The following ZNF292 variants were observed in gnomAD, a reference collection of about 807,000 sequenced individuals.
ZNF292 encodes the protein zinc finger protein 292.
Under a neutral mutation model 217.9 loss-of-function variants are expected in ZNF292, and 26 were observed. The observed-to-expected ratio is 0.12, with a 90% CI of 0.09 to 0.17. The LOEUF (loss-of-function observed/expected upper bound fraction) is 0.17. ZNF292 is among the 10% of genes least tolerant of loss of function. The pLI, the probability that ZNF292 is intolerant of heterozygous loss-of-function variation, is 1.00. For synonymous variants in ZNF292, 1,257 were observed against 1,124.1 expected, an observed-to-expected ratio of 1.12 and a Z score of -2.37; for missense variants, 2,904 against 3,175.2, an observed-to-expected ratio of 0.91 and a Z score of 2.05.
chr6:87,161,447 G>T (rs1226865998), intron 1 of ZNF292, among the ~76,000 whole-genome samples: 2 of 152,066 alleles, frequency 1.3e-5, no homozygotes, highest in African/African-American at 4.8e-5. Flanking sequence ...TTTGAGACAG[G>T]GTCTCCACTC....
Position 87,177,645 on chromosome 6 carries a change from CTA to C in ZNF292, c.168+21888_168+21889del, listed in dbSNP as rs199580804. Among the ~76,000 whole-genome samples the C allele has an allele frequency of 9.4e-3, 1,433 of 152,294 alleles. 18 individuals are homozygous for C. Among genetic ancestry groups the C allele is most frequent in the African/African-American group, 0.032 (1,348 of 41,550 alleles). On this transcript the variant is annotated intron_variant, in intron 1 of 7. Transcript: ENST00000369577. ...TTTGTTCCTTAAAGACTTTAAAAGA[CTA>C]TGTGATGTTGAAGAATTCAAATTCT... is the stretch of plus-strand genomic sequence containing the variant.
chr6:87,181,495 G>A (rs1452105008), intron 1 of ZNF292, among the ~76,000 whole-genome samples: 1 of 152,190 alleles, frequency 6.6e-6, no homozygotes, highest in Non-Finnish European at 1.5e-5. Context: ...GATGGGGGAA[G>A]TGGTGGGCCA....
intron 5 of ZNF292, among the ~76,000 whole-genome samples, chr6:87,240,709 C>A (rs139119137): frequency 6.6e-6 from 1 of 152,058 alleles, no homozygotes; most frequent in African/African-American, 2.4e-5. Context: ...CGTGAGCCAC[C>A]GGGCCCAGCC....
chr6:87,220,281 A>G (rs1048233231), intron 4 of ZNF292, among the ~76,000 whole-genome samples: 2 of 152,216 alleles, frequency 1.3e-5, no homozygotes, highest in African/African-American at 4.8e-5. Context: ...GATGTGATAT[A>G]TTAGTAATAA....
chr6:87,228,768 T>G (rs542777841), intron 4 of ZNF292, among the ~76,000 whole-genome samples: 1 of 152,224 alleles, frequency 6.6e-6, no homozygotes, highest in Non-Finnish European at 1.5e-5. Context: ...TGGACTCTTT[T>G]CTATTGCATT....
In ZNF292 at chr6:87,186,294, T is replaced by G. The variant is rs191623727; in HGVS notation, c.169-29609T>G. On this transcript the variant is annotated intron_variant, in intron 1 of 7. Transcript: ENST00000369577. ...TTTTAAATTCACAGTAAAACTGTAA[T>G]GTTACTTTATATTCTAGGAACAGGA... 6.2e-4 allele frequency among the ~76,000 whole-genome samples: 94 copies of G among 152,366 alleles called. No individual in the cohort carries two copies. The Middle Eastern group carries it at 0.01, about 17-fold the overall frequency.
rs1170040531 is a variant in ZNF292, at chr6:87,155,734, C to T, written c.143C>T (p.Thr48Ile). The T allele has an allele frequency of 6.2e-7, 1 of 1,600,026 alleles. No individual in the cohort carries two copies. Among genetic ancestry groups the T allele is most frequent in the Non-Finnish European group, 8.5e-7 (1 of 1,174,974 alleles). The stretch of plus-strand genomic sequence containing the variant: ...CGGGTACCGGCCGTGGAAGCGGCCA[C>T]CGACTACTGTCAGCAGCTGTGCCAG... ...ESRVPAVEAA[T>I]DYCQQLCQTL... The change falls in exon 1 of 8, where the codon ACC (threonine) becomes ATC (isoleucine). Residue 48 changes from threonine (T) to isoleucine (I), a missense_variant. Physicochemically the swap from Thr to Ile is moderately conservative, Grantham distance 89. Coordinates refer to ENST00000369577, the MANE Select transcript of ZNF292 (RefSeq NM_015021.3).
At chr6:87,242,579 C>A (rs188944907) in intron 5 of ZNF292, among the ~76,000 whole-genome samples, 2 of 152,120 alleles carry the variant, frequency 1.3e-5, no homozygotes, top group Non-Finnish European at 2.9e-5. Context: ...TACGTGAGTG[C>A]TAATGGTCTG....
At chr6:87,252,056 T>C (rs73754160) in intron 7 of ZNF292, among the ~76,000 whole-genome samples, 108 of 152,310 alleles carry the variant, frequency 7.1e-4, no homozygotes, top group Middle Eastern at 3.4e-3. Flanking sequence ...AATATTCATA[T>C]GATATAAAAT....
chr6:87,163,609 T>C (rs191299606), intron 1 of ZNF292, among the ~76,000 whole-genome samples: 3 of 152,314 alleles, frequency 2.0e-5, no homozygotes, highest in Admixed American at 2.0e-4. Context: ...ACAAAATCTA[T>C]AGCATGTATC....
At chr6:87,224,645 C>A (rs547906955) in intron 4 of ZNF292, among the ~76,000 whole-genome samples, 2 of 152,206 alleles carry the variant, frequency 1.3e-5, no homozygotes, top group South Asian at 4.1e-4. Flanking sequence ...TCTGTTAAAC[C>A]AATGAGCTAT....
In ZNF292 at chr6:87,257,678, G is replaced by A; in HGVS notation, c.4049G>A (p.Gly1350Asp). 1 of 1,611,730 alleles carries A rather than the reference G, an allele frequency of 6.2e-7. No homozygotes were observed. The highest frequency in any genetic ancestry group is 8.5e-7 in the Non-Finnish European group (1 of 1,178,778). The change falls in exon 8 of 8, where the codon GGC becomes GAC. Residue 1350 changes from glycine (G) to aspartate (D), a missense_variant. Gly to Asp is a moderately conservative substitution (Grantham distance 94). This residue lies in a region of ZNF292 where 687 missense variants were observed against 623.0 expected (regional missense o/e 1.10). Transcript: ENST00000369577. ...PEKVKKDRGR[G>D]PNGKERKPKH... ...AAAGTTAAAAAAGACCGTGGGCGGG[G>A]CCCAAATGGGAAGGAAAGAAAACCT... is the stretch of plus-strand genomic sequence containing the variant.
At chr6:87,183,163 G>A (rs1032013598) in intron 1 of ZNF292, among the ~76,000 whole-genome samples, 10 of 152,140 alleles carry the variant, frequency 6.6e-5, no homozygotes, top group Non-Finnish European at 1.2e-4. Context: ...TTGAAAGAAT[G>A]ATGCTTCATT....
Position 87,258,125 on chromosome 6 carries a change from T to C in ZNF292, c.4496T>C (p.Ile1499Thr), listed in dbSNP as rs753457870. The C allele has an allele frequency of 7.4e-6, 12 of 1,612,538 alleles. No homozygotes were observed. The highest frequency in any genetic ancestry group is 9.3e-6 in the Non-Finnish European group (11 of 1,179,256). The stretch of plus-strand genomic sequence containing the variant: ...AAACAGGCTTTGGAAACTGCTGGCA[T>C]TCCCAGTACATTTGAGGGTGCCGAA... ...IIKQALETAG[I>T]PSTFEGAEML... The change falls in exon 8 of 8, where the codon ATT becomes ACT. Residue 1499 changes from isoleucine (I) to threonine (T), a missense_variant. Transcript: ENST00000369577.
chr6:87,203,758 G>A (rs4707346), intron 1 of ZNF292, among the ~76,000 whole-genome samples: 94,926 of 151,526 alleles, frequency 0.63, 31,216 homozygotes, highest in African/African-American at 0.83. Flanking sequence ...GCCCAGGTGA[G>A]ATGAGTTAGG....
chr6:87,262,668 A>C lies in ZNF292; in HGVS notation c.*867A>C, dbSNP rs1775665798. 6.6e-6 allele frequency: 1 copy of C among 152,042 alleles called. No individual in the cohort carries two copies. The allele number at this position is 152,042 out of a possible 1,614,324, so 9.4% of individuals were successfully genotyped here. ...TGATAGAAAACTAGTAGTGTGGAGC[A>C]GTGTAAATATTTGAGGTGGTGATTT... On this transcript the variant is annotated 3_prime_UTR_variant, in exon 8 of 8. Coordinates refer to ENST00000369577, the MANE Select transcript of ZNF292 (RefSeq NM_015021.3).
At chr6:87,214,073 A>T (rs1772619906) in intron 1 of ZNF292, among the ~76,000 whole-genome samples, 1 of 152,164 alleles carries the variant, frequency 6.6e-6, no homozygotes, top group African/African-American at 2.4e-5. Flanking sequence ...TGCAAAAGTG[A>T]GTCTCTGGAT....
At chr6:87,164,048 A>G (rs985871032) in intron 1 of ZNF292, among the ~76,000 whole-genome samples, 1 of 152,198 alleles carries the variant, frequency 6.6e-6, no homozygotes, top group Non-Finnish European at 1.5e-5. Flanking sequence ...TCGCCCCGCC[A>G]AGTATCGTGT....
intron 1 of ZNF292, among the ~76,000 whole-genome samples, chr6:87,164,045 G>T (rs115042771): frequency 1.3e-5 from 2 of 152,080 alleles, no homozygotes; most frequent in African/African-American, 4.8e-5. Flanking sequence ...ACCTCGCCCC[G>T]CCAAGTATCG....
Sources: allele counts gnomAD v4.1 joint callset (sites outside exome capture counted in the v4.1 genomes callset), GRCh38; gene constraint gnomAD v4.1.1; regional missense constraint gnomAD v4.1.1; transcripts MANE v1.5; gene names NCBI Gene and HGNC (gene_info 2026-07-23, HGNC 2026-07-21).